The following PARD3B variants were observed in gnomAD, a reference collection of about 807,000 sequenced individuals.
The protein encoded by PARD3B is partitioning defective 3 homolog B.
Under a neutral mutation model 130.2 loss-of-function variants are expected in PARD3B, and 103 were observed. The observed-to-expected ratio is 0.79, with a 90% CI of 0.67 to 0.93. PARD3B has a LOEUF of 0.93. Among genes scored for constraint, PARD3B ranks in the 40% least tolerant of loss-of-function variants. The pLI, the probability that PARD3B is intolerant of heterozygous loss-of-function variation, is 0.00. For synonymous variants in PARD3B, 583 were observed against 553.2 expected (o/e 1.05, Z -0.76); for missense variants, 1,609 against 1,499.2 (o/e 1.07, Z -1.21).
intron 3 of PARD3B, among the ~76,000 whole-genome samples, chr2:204,975,694 A>G (rs755505589): frequency 1.2e-4 from 19 of 152,330 alleles, no homozygotes; most frequent in Middle Eastern, 6.8e-3. Flanking sequence ...ATTTATTAGC[A>G]TGCTATTGAG....
Position 205,615,876 on chromosome 2 carries a change from C to T in PARD3B, c.*63C>T. The T allele has an allele frequency of 7.1e-7, 1 of 1,403,802 alleles. No individual in the cohort carries two copies. Among genetic ancestry groups the T allele is most frequent in the Admixed American group, 2.2e-5 (1 of 46,000 alleles). The allele number at this position is 1,403,802 out of a possible 1,614,324, so 87.0% of individuals were successfully genotyped here. A position where few individuals can be genotyped will look rare whatever the true frequency, so the allele number is the denominator to read the frequency against. On this transcript the variant is annotated 3_prime_UTR_variant, in exon 23 of 23. Coordinates refer to ENST00000406610, the MANE Select transcript of PARD3B (RefSeq NM_001302769.2). Reference sequence around the variant, plus strand: ...GGTGTCTACTCTACCTTTGCCCTTTCTAAACCTGAAGACCTCCTTGGTGTT... The same window carrying T: ...GGTGTCTACTCTACCTTTGCCCTTTTTAAACCTGAAGACCTCCTTGGTGTT...
intron 2 of PARD3B, among the ~76,000 whole-genome samples, chr2:204,790,658 A>G (rs2042169062): frequency 6.6e-6 from 1 of 152,218 alleles, no homozygotes; most frequent in Non-Finnish European, 1.5e-5. Context: ...ATCCTCTGAA[A>G]TAGCCAATTA....
chr2:205,032,424 A>G (rs1373572187), intron 3 of PARD3B, among the ~76,000 whole-genome samples: 1 of 152,234 alleles, frequency 6.6e-6, no homozygotes, highest in East Asian at 1.9e-4. Flanking sequence ...CCGGATGCAT[A>G]ATGTAAAAGG....
At chr2:204,573,682 T>C (rs1420456934) in intron 1 of PARD3B, among the ~76,000 whole-genome samples, 4 of 152,196 alleles carry the variant, frequency 2.6e-5, no homozygotes, top group Non-Finnish European at 5.9e-5. Flanking sequence ...CATCAGAGTG[T>C]CCCCGATGCC....
intron 2 of PARD3B, among the ~76,000 whole-genome samples, chr2:204,709,584 T>G (rs1190274720): frequency 6.6e-6 from 1 of 152,222 alleles, no homozygotes; most frequent in Non-Finnish European, 1.5e-5. Flanking sequence ...TTGAACACAG[T>G]GGACCATCTA....
chr2:205,504,379 C>A (rs1207903226), intron 21 of PARD3B, among the ~76,000 whole-genome samples: 1 of 152,110 alleles, frequency 6.6e-6, no homozygotes, highest in African/African-American at 2.4e-5. Context: ...CAACAAAAGC[C>A]AACATTGACA....
intron 22 of PARD3B, among the ~76,000 whole-genome samples, chr2:205,573,602 CTTTG>C (rs1482108783): frequency 1.3e-5 from 2 of 152,140 alleles, no homozygotes; most frequent in Non-Finnish European, 2.9e-5. Flanking sequence ...GAGTATTTTG[CTTTG>C]TTTGATTTTT....
At chr2:204,736,372 A>G (rs1470785670) in intron 2 of PARD3B, among the ~76,000 whole-genome samples, 1 of 152,110 alleles carries the variant, frequency 6.6e-6, no homozygotes, top group Non-Finnish European at 1.5e-5. Context: ...TAGTGTACCC[A>G]TCAAACTGTG....
intron 3 of PARD3B, among the ~76,000 whole-genome samples, chr2:205,012,496 CTT>C (rs1377888110): frequency 3.3e-5 from 5 of 152,126 alleles, no homozygotes; most frequent in South Asian, 4.1e-4. Flanking sequence ...TTCCATGACT[CTT>C]TTGATTTCTG....
At chr2:204,710,131 G>A (rs527873646) in intron 2 of PARD3B, among the ~76,000 whole-genome samples, 1 of 152,228 alleles carries the variant, frequency 6.6e-6, no homozygotes, top group South Asian at 2.1e-4. Flanking sequence ...AAAGTGATCA[G>A]GTCTTCTTCC....
Position 205,422,608 on chromosome 2 carries a change from C to T in PARD3B, c.2742-17762C>T, listed in dbSNP as rs1574980823. ...CTAAAACTTAGACCTCTGCAGTACC[C>T]TGCTAACCACAATAAAAAAAATGCC... On this transcript the variant is annotated intron_variant, in intron 19 of 22. Coordinates refer to ENST00000406610, the MANE Select transcript of PARD3B (RefSeq NM_001302769.2). Among the ~76,000 whole-genome samples the T allele has an allele frequency of 1.3e-5, 2 of 152,280 alleles. 1 individual carries two copies. Among genetic ancestry groups the T allele is most frequent in the African/African-American group, 4.8e-5 (2 of 41,564 alleles).
At chr2:205,427,636 G>A (rs568316614) in intron 19 of PARD3B, among the ~76,000 whole-genome samples, 8 of 152,004 alleles carry the variant, frequency 5.3e-5, no homozygotes, top group Admixed American at 2.0e-4. Context: ...ATATTGCATG[G>A]GATGGAGAAG....
At chr2:204,874,201 G>A (rs2045748350) in intron 2 of PARD3B, among the ~76,000 whole-genome samples, 2 of 152,240 alleles carry the variant, frequency 1.3e-5, no homozygotes, top group Admixed American at 1.3e-4. Flanking sequence ...AACTAAGTGT[G>A]GGAGCTCTAG....
At chr2:205,508,772 A>AG (rs926789806) in intron 21 of PARD3B, among the ~76,000 whole-genome samples, 1 of 152,170 alleles carries the variant, frequency 6.6e-6, no homozygotes, top group African/African-American at 2.4e-5. Flanking sequence ...ACCAAGGCAG[A>AG]GAAAAAAAGA....
intron 2 of PARD3B, among the ~76,000 whole-genome samples, chr2:204,725,730 G>A (rs1406121197): frequency 1.3e-5 from 2 of 152,134 alleles, no homozygotes; most frequent in Non-Finnish European, 2.9e-5. Context: ...CATTGTTAGG[G>A]TATCCTTGTG....
intron 21 of PARD3B, among the ~76,000 whole-genome samples, chr2:205,522,216 A>T (rs185466089): frequency 2.0e-5 from 3 of 151,424 alleles, no homozygotes; most frequent in African/African-American, 7.3e-5. Context: ...TGAATTATTC[A>T]GCTATTTAAT....
intron 18 of PARD3B, among the ~76,000 whole-genome samples, chr2:205,383,628 T>C (rs1022470791): frequency 6.6e-6 from 1 of 152,066 alleles, no homozygotes; most frequent in Non-Finnish European, 1.5e-5. Context: ...TACGGTGAAA[T>C]TCACTCTGTT....
intron 2 of PARD3B, among the ~76,000 whole-genome samples, chr2:204,841,713 T>G (rs1443361522): frequency 6.6e-6 from 1 of 152,130 alleles, no homozygotes; most frequent in African/African-American, 2.4e-5. Context: ...AATATTCTCT[T>G]TTCCTCTTCT....
chr2:205,231,844 T>G (rs933525366), intron 15 of PARD3B, among the ~76,000 whole-genome samples: 24 of 152,184 alleles, frequency 1.6e-4, no homozygotes, highest in African/African-American at 5.8e-4. Flanking sequence ...AGGGTTTTCC[T>G]TAAGTATTGC....
Sources: allele counts gnomAD v4.1 joint callset (sites outside exome capture counted in the v4.1 genomes callset), GRCh38; gene constraint gnomAD v4.1.1; transcripts MANE v1.5; gene names NCBI Gene and HGNC (gene_info 2026-07-23, HGNC 2026-07-21).